The following ITGA3 variants were observed in gnomAD, a reference collection of about 807,000 sequenced individuals.
ITGA3 encodes the protein integrin alpha-3.
ITGA3 carries 70 observed loss-of-function variants against 131.1 expected under a neutral mutation model. That is an observed-to-expected ratio of 0.53 (90% CI 0.44 to 0.65). ITGA3 has a LOEUF of 0.65. Among genes scored for constraint, ITGA3 ranks in the 30% least tolerant of loss-of-function variants. ITGA3 has a pLI of 0.00. For synonymous variants in ITGA3, 537 were observed against 571.6 expected (o/e 0.94, Z 0.86); for missense variants, 1,098 against 1,388.6 (o/e 0.79, Z 3.33).
Position 50,056,763 on chromosome 17 carries a change from G to A in ITGA3, c.206+118G>A, listed in dbSNP as rs1907847445. 8 of 1,008,652 alleles carry A rather than the reference G, an allele frequency of 7.9e-6. No homozygotes were observed. The South Asian group carries it at 8.3e-5, about 10-fold the overall frequency. The allele number at this position is 1,008,652 out of a possible 1,614,324, so 62.5% of individuals were successfully genotyped here. On this transcript the variant is annotated intron_variant, in intron 1 of 25. Coordinates refer to ENST00000320031, the MANE Select transcript of ITGA3 (RefSeq NM_002204.4). The surrounding 1 kb of genome is among the most constrained non-coding windows in gnomAD (Gnocchi z 5.6). The stretch of plus-strand genomic sequence containing the variant: ...CCCTTGGGAGCCAGGATTAAGGGGC[G>A]GCCCTCTGGCTGCTGGGGGTTGGCG...
chr17:50,074,130 TC>T lies in ITGA3; in HGVS notation c.1246-10del. The T allele has an allele frequency of 6.2e-7, 1 of 1,612,588 alleles. No individual in the cohort carries two copies. The highest frequency in any genetic ancestry group is 8.5e-7 in the Non-Finnish European group (1 of 1,178,868). On this transcript the variant is annotated splice_polypyrimidine_tract_variant and intron_variant, in intron 8 of 25. Coordinates refer to ENST00000320031, the MANE Select transcript of ITGA3 (RefSeq NM_002204.4). ...TCCCCAGAGCCTGCCCCCACCACTTTCCCCTGCCCCCAGGTAATCCATGGAG... is the reference window on the plus strand; with the variant it reads ...TCCCCAGAGCCTGCCCCCACCACTTTCCCTGCCCCCAGGTAATCCATGGAG...
chr17:50,063,905 C>G (rs950043611), intron 1 of ITGA3, 172 bp from the exon 2 acceptor site: 4 of 857,258 alleles, frequency 4.7e-6, no homozygotes, highest in African/African-American at 3.4e-5. Flanking sequence ...GCACTTCCTT[C>G]TAGTGTCTTT....
intron 3 of ITGA3, chr17:50,065,264 T>A (rs931788863): frequency 6.6e-6 from 1 of 152,262 alleles, no homozygotes; most frequent in African/African-American, 2.4e-5. Context: ...GGATGTGATT[T>A]ATCTCAAGCA....
rs759505573 is a variant in ITGA3 at position 50,077,132 on chromosome 17, G to C, written c.2070+11G>C. ...TCCTCAGTGCGCCCCGTGAGTGCCC[G>C]CCGGCCGGCTCAGAGCCCAAGCAGG... On this transcript the variant is annotated intron_variant, in intron 15 of 25. Transcript: ENST00000320031. 2 of 1,531,278 alleles carry C rather than the reference G, an allele frequency of 1.3e-6. No homozygotes were observed. Among genetic ancestry groups the C allele is most frequent in the South Asian group, 2.4e-5 (2 of 83,158 alleles). 94.9% of individuals were successfully genotyped at this position (1,531,278 alleles called of 1,614,324 possible).
intron 1 of ITGA3, among the ~76,000 whole-genome samples, chr17:50,059,457 G>C (rs931618880): frequency 1.3e-5 from 2 of 152,182 alleles, no homozygotes; most frequent in African/African-American, 2.4e-5. Context: ...CATGCCTGAG[G>C]TACGCAGGAG....
chr17:50,068,645 G>A (rs954480312), intron 4 of ITGA3, among the ~76,000 whole-genome samples: 1 of 151,530 alleles, frequency 6.6e-6, no homozygotes, highest in Non-Finnish European at 1.5e-5. Context: ...ATGACCGCAG[G>A]CATGTGCCAC....
At chr17:50,079,004 G>A (rs1462466288) in intron 19 of ITGA3, 72 bp from the exon 20 acceptor site, 4 of 1,522,284 alleles carry the variant, frequency 2.6e-6, no homozygotes, top group South Asian at 1.1e-5. Flanking sequence ...CTGAAGGTGG[G>A]AGGGTTGGGG....
rs754497153 is a variant in ITGA3, at chr17:50,076,544, G to T, written c.1825-40G>T. 10 of 1,286,152 alleles carry T rather than the reference G, an allele frequency of 7.8e-6. 1 individual carries two copies. In the South Asian group the frequency reaches 1.3e-4, roughly 17 times the overall value. 79.7% of individuals were successfully genotyped at this position (1,286,152 alleles called of 1,614,324 possible). A position where few individuals can be genotyped will look rare whatever the true frequency, so the allele number is the denominator to read the frequency against. ...GGGCGGTGGGGCGAGAGGGCACTGG[G>T]GGGGGTGGTGCGGCCTTCACACCTC... is the stretch of plus-strand genomic sequence containing the variant. On this transcript the variant is annotated intron_variant, in intron 13 of 25. Transcript: ENST00000320031.
At chr17:50,074,642 T>G (rs937311146) in intron 10 of ITGA3, 108 bp downstream of exon 10, 45 of 780,964 alleles carry the variant, frequency 5.8e-5, no homozygotes, top group Non-Finnish European at 9.5e-5. Flanking sequence ...CTTTAGAAAT[T>G]TGATTCTTGG....
At chr17:50,078,386 C>G (rs1239390831) in intron 18 of ITGA3, 102 bp downstream of exon 18, 2 of 905,972 alleles carry the variant, frequency 2.2e-6, no homozygotes, top group Non-Finnish European at 3.5e-6. Context: ...CCTCTCTTGG[C>G]CCAGTGTCCT....
Position 50,064,600 on chromosome 17 carries a change from G to C in ITGA3, c.407G>C (p.Arg136Thr), listed in dbSNP as rs578168264. 13 of 1,612,252 alleles carry C rather than the reference G, an allele frequency of 8.1e-6. No homozygotes were observed. In the African/African-American group the frequency reaches 1.7e-4, roughly 21 times the overall value. Residue 136 changes from arginine to threonine, a missense_variant, in exon 3 of 26, where the codon AGA (arginine) becomes ACA (threonine). Physicochemically the swap from Arg to Thr is moderately conservative, Grantham distance 71. Coordinates refer to ENST00000320031, the MANE Select transcript of ITGA3 (RefSeq NM_002204.4). The surrounding 1 kb of genome is among the most constrained non-coding windows in gnomAD (Gnocchi z 4.4). Reference protein sequence around the residue: ...VTVASQGPAGRVLVCAHRYTQ... With the variant: ...VTVASQGPAGTVLVCAHRYTQ... ...GTGGCCAGCCAGGGCCCTGCAGGCAGAGTTCTGGTAAGTGGGTGCTCAGTG... is the reference window on the plus strand; with the variant it reads ...GTGGCCAGCCAGGGCCCTGCAGGCACAGTTCTGGTAAGTGGGTGCTCAGTG...
intron 1 of ITGA3, among the ~76,000 whole-genome samples, chr17:50,058,411 A>T (rs1490006956): frequency 6.6e-6 from 1 of 152,160 alleles, no homozygotes; most frequent in Non-Finnish European, 1.5e-5. Flanking sequence ...CTGTAACGAG[A>T]TAAAGTGCGT....
Position 50,089,090 on chromosome 17 carries a change from T to A in ITGA3, c.*32-20T>A, listed in dbSNP as rs1567707576. The A allele has an allele frequency of 6.2e-7, 1 of 1,605,460 alleles. No homozygotes were observed. The highest frequency in any genetic ancestry group is 1.3e-5 in the African/African-American group (1 of 74,862). On this transcript the variant is annotated intron_variant, in intron 25 of 25. Coordinates refer to ENST00000320031, the MANE Select transcript of ITGA3 (RefSeq NM_002204.4). ...AAACTCTGGATGCTAATGTTCTTTC[T>A]CTTCTCCCTCCAACTCCAGTGTGAC...
In ITGA3 at chr17:50,075,748, C is replaced by A. The variant is rs751827760; in HGVS notation, c.1674+13C>A. The A allele has an allele frequency of 6.2e-7, 1 of 1,613,610 alleles. No homozygotes were observed. Among genetic ancestry groups the A allele is most frequent in the South Asian group, 1.1e-5 (1 of 91,030 alleles). On this transcript the variant is annotated intron_variant, in intron 12 of 25. Coordinates refer to ENST00000320031, the MANE Select transcript of ITGA3 (RefSeq NM_002204.4). ...GCTGCTCCTGATGGTGAGGGAGGAG[C>A]AAGGGTCAGGATGAGGGCTCCCAGG... is the stretch of plus-strand genomic sequence containing the variant.
intron 25 of ITGA3, 37 bp downstream of exon 25, chr17:50,088,403 C>T (rs1598201389): frequency 1.7e-6 from 2 of 1,170,184 alleles, no homozygotes; most frequent in East Asian, 2.6e-5. Flanking sequence ...CCGAGCCCCA[C>T]AGCTGGCCGG....
rs79230659 is a variant in ITGA3 at position 50,064,696 on chromosome 17, G to A, written c.414+89G>A. ...GGGAGGAAAGAAGAGGGCAGCAGGG[G>A]GGTCCACGGCGCGTGTGTGCTGGGG... On this transcript the variant is annotated intron_variant, in intron 3 of 25. Transcript: ENST00000320031. The surrounding 1 kb of genome is among the most constrained non-coding windows in gnomAD (Gnocchi z 4.4). The A allele has an allele frequency of 2.8e-3, 3,105 of 1,118,004 alleles. 51 individuals carry two copies. The African/African-American group carries it at 0.037, about 13-fold the overall frequency. 69.3% of individuals were successfully genotyped at this position (1,118,004 alleles called of 1,614,324 possible).
At chr17:50,074,326 T>C (rs752048192) in intron 9 of ITGA3, 46 bp downstream of exon 9, 1 of 1,607,962 alleles carries the variant, frequency 6.2e-7, no homozygotes, top group South Asian at 1.1e-5. Flanking sequence ...TTCTTCATCT[T>C]TGTCTGCACA....
In ITGA3 at chr17:50,073,593, A is replaced by AACACACAC. The variant is rs71146961; in HGVS notation, c.1157-290_1157-283dup. Among the ~76,000 whole-genome samples, 344 of 144,266 alleles carry AACACACAC rather than the reference A, an allele frequency of 2.4e-3. 1 individual carries two copies. Among genetic ancestry groups the AACACACAC allele is most frequent in the African/African-American group, 8.0e-3 (309 of 38,650 alleles). The allele number at this position is 144,266 out of a possible 152,430, so 94.6% of individuals were successfully genotyped here. The stretch of plus-strand genomic sequence containing the variant: ...GTCACAGAGCGAGACACTGTCTATA[A>AACACACAC]ACACACACACACACACACACACACA... On this transcript the variant is annotated intron_variant, in intron 7 of 25. Transcript: ENST00000320031.
intron 14 of ITGA3, 67 bp from the exon 15 acceptor site, chr17:50,076,907 G>A (rs1908934127): frequency 1.3e-6 from 2 of 1,538,796 alleles, no homozygotes; most frequent in African/African-American, 2.7e-5. Flanking sequence ...CCAGGGGCGG[G>A]GCCTAGTTGA....
Sources: gnomAD v4.1 joint callset for allele counts (sites outside exome capture counted in the v4.1 genomes callset) on GRCh38, gnomAD v4.1.1 for gene constraint, Gnocchi (gnomAD v3.1) non-coding constraint, MANE v1.5 for transcripts, NCBI Gene and HGNC (gene_info 2026-07-23, HGNC 2026-07-21) for gene names.